ATAD5: variants seen among roughly 807,000 people sequenced by gnomAD.
The protein encoded by ATAD5 is ATPase family AAA domain-containing protein 5.
Under a neutral mutation model 176.9 loss-of-function variants are expected in ATAD5, and 58 were observed. The observed-to-expected ratio is 0.33, with a 90% confidence interval of 0.27 to 0.41. ATAD5 has a LOEUF of 0.41. Ranked by LOEUF, ATAD5 falls within the 10% of genes least tolerant of loss-of-function variation. The pLI is 1.00. For missense variants in ATAD5, 1,789 were observed against 2,094.1 expected (o/e 0.85, Z 2.84); for synonymous variants, 640 against 712.6 (o/e 0.90, Z 1.62).
chr17:30,846,303 A>G (rs1005554568), intron 6 of ATAD5, among the ~76,000 whole-genome samples: 1 of 152,182 alleles, frequency 6.6e-6, no homozygotes, highest in African/African-American at 2.4e-5. Flanking sequence ...ACACGCCCAC[A>G]AACAAATGCA....
Position 30,887,406 on chromosome 17 carries a change from A to G in ATAD5, c.4258+34A>G, listed in dbSNP as rs754418662. 1.6e-5 allele frequency: 25 copies of G among 1,543,150 alleles called. No homozygotes were observed. The South Asian group carries it at 2.9e-4, about 18-fold the overall frequency. On this transcript the variant is annotated intron_variant, in intron 19 of 22. Transcript: ENST00000321990. ...ATTTGTTATTAAAGAAATTTCTATT[A>G]TGGGACCCTATTTAAAAATCTGTGC...
intron 6 of ATAD5, among the ~76,000 whole-genome samples, chr17:30,853,975 C>T (rs950117390): frequency 1.9e-4 from 29 of 151,728 alleles, no homozygotes; most frequent in African/African-American, 6.5e-4. Context: ...ACTCACCTAC[C>T]ACCCAAAGAT....
At chr17:30,868,552 T>C in intron 12 of ATAD5, 140 bp downstream of exon 12, 2 of 519,622 alleles carry the variant, frequency 3.8e-6, no homozygotes, top group Non-Finnish European at 5.9e-6. Context: ...CTGTTTCCCA[T>C]AGTGGAGTGC....
rs1906612480 is a variant in ATAD5, at chr17:30,847,782, C to T, written c.2450+2866C>T. The stretch of plus-strand genomic sequence containing the variant: ...TCGCCCAGGCTGGAGTGCAGTGGCA[C>T]AGTCTAGGCTCACTGTAACCTCCGC... On this transcript the variant is annotated intron_variant, in intron 6 of 22. Transcript: ENST00000321990. Among the ~76,000 whole-genome samples the T allele has an allele frequency of 2.1e-5, 3 of 144,200 alleles. No individual in the cohort carries two copies. In the South Asian group the frequency reaches 6.6e-4, roughly 32 times the overall value. The allele number at this position is 144,200 out of a possible 152,430, so 94.6% of individuals were successfully genotyped here. A position where few individuals can be genotyped will look rare whatever the true frequency, so the allele number is the denominator to read the frequency against.
Position 30,894,628 on chromosome 17 carries a change from G to C in ATAD5, c.5362G>C (p.Gly1788Arg). The change falls in exon 22 of 23, where the codon GGT (glycine) becomes CGT (arginine). Residue 1788 changes from glycine to arginine, a missense_variant. Transcript: ENST00000321990. ...TTCGAGTCGATCTCTTCTCTATGTG[G>C]GTAATAGACAAGCTAGTATAATTGA... ...VFSSRSLLYVGNRQASIIEYL... is the reference protein window; with the variant it reads ...VFSSRSLLYVRNRQASIIEYL... The C allele has an allele frequency of 6.2e-7, 1 of 1,613,188 alleles. No homozygotes were observed. Among genetic ancestry groups the C allele is most frequent in the Non-Finnish European group, 8.5e-7 (1 of 1,179,424 alleles).
At chr17:30,836,125 G>A in intron 2 of ATAD5, 77 bp downstream of exon 2, 1 of 1,281,220 alleles carries the variant, frequency 7.8e-7, no homozygotes, top group Non-Finnish European at 1.1e-6. Flanking sequence ...TTCAAGTATT[G>A]GAGGGTATTT....
rs1597949768 is a variant in ATAD5, at chr17:30,836,067, C to T, written c.1967+19C>T. The T allele has an allele frequency of 1.3e-6, 2 of 1,549,420 alleles. No individual in the cohort carries two copies. Among genetic ancestry groups the T allele is most frequent in the East Asian group, 4.5e-5 (2 of 44,428 alleles). ...CTATTAGGTAAGGTTTGTTTTTGTT[C>T]TAACGTTCTAGTATTCTGCATGTAT... On this transcript the variant is annotated intron_variant, in intron 2 of 22. Coordinates refer to ENST00000321990, the MANE Select transcript of ATAD5 (RefSeq NM_024857.5).
intron 8 of ATAD5, 121 bp from the exon 9 acceptor site, chr17:30,858,040 G>A (rs1022291965): frequency 1.0e-5 from 9 of 887,592 alleles, no homozygotes; most frequent in Admixed American, 3.7e-5. Flanking sequence ...CACCACGCCC[G>A]GCCTAAAGCT....
At chr17:30,851,714 C>T (rs1906983751) in intron 6 of ATAD5, among the ~76,000 whole-genome samples, 1 of 152,048 alleles carries the variant, frequency 6.6e-6, no homozygotes, top group Non-Finnish European at 1.5e-5. Context: ...TCCCAAGTAG[C>T]TGGGATTACA....
rs745651996 is a variant in ATAD5, at chr17:30,832,334, G to A, written c.-14G>A. ...GTGAGGTCCTAGGAGACGGGATTCC[G>A]GGAAGCGGGGAGTATGGTGGGGGTC... On this transcript the variant is annotated 5_prime_UTR_variant, in exon 1 of 23. Transcript: ENST00000321990. 1 of 1,542,384 alleles carries A rather than the reference G, an allele frequency of 6.5e-7. No homozygotes were observed. Among genetic ancestry groups the A allele is most frequent in the Non-Finnish European group, 8.8e-7 (1 of 1,142,312 alleles).
chr17:30,866,753 T>G (rs1908010293), intron 11 of ATAD5, among the ~76,000 whole-genome samples: 1 of 151,954 alleles, frequency 6.6e-6, no homozygotes, highest in African/African-American at 2.4e-5. Context: ...AGGTGAGGAT[T>G]GCAGCGAGCC....
chr17:30,890,559 C>G (rs1245115726), intron 19 of ATAD5, among the ~76,000 whole-genome samples: 1 of 150,140 alleles, frequency 6.7e-6, no homozygotes, highest in Non-Finnish European at 1.5e-5. Context: ...GTAATTGGGT[C>G]TACAGGCGTG....
Position 30,859,912 on chromosome 17 carries a change from TG to T in ATAD5, c.2957-517del, listed in dbSNP as rs1423777309. ...CTAATTTTTGTATTTTTAGTAGAGA[TG>T]GGGTTTCAACATGTTGGCCAGGCTG... On this transcript the variant is annotated intron_variant, in intron 9 of 22. Transcript: ENST00000321990. Among the ~76,000 whole-genome samples the T allele has an allele frequency of 1.8e-4, 27 of 146,924 alleles. 1 individual carries two copies. The highest frequency in any genetic ancestry group is 6.4e-4 in the African/African-American group (26 of 40,346).
intron 6 of ATAD5, among the ~76,000 whole-genome samples, chr17:30,851,332 TA>T (rs1257792634): frequency 1.3e-5 from 2 of 150,414 alleles, no homozygotes; most frequent in Non-Finnish European, 3.0e-5. Flanking sequence ...CCATCTCTAC[TA>T]AAAATACAAA....
In ATAD5 at chr17:30,834,720, A is replaced by C. The variant is rs372570681; in HGVS notation, c.639A>C (p.Val213=). The C allele has an allele frequency of 1.2e-6, 2 of 1,613,480 alleles. No homozygotes were observed. Among genetic ancestry groups the C allele is most frequent in the Non-Finnish European group, 1.7e-6 (2 of 1,179,784 alleles). Residue 213 remains valine, a synonymous_variant, in exon 2 of 23, where the codon GTA becomes GTC. Coordinates refer to ENST00000321990, the MANE Select transcript of ATAD5 (RefSeq NM_024857.5). ...KKLRKRKCRD[V]VDLSESLPLA... is the part of the protein sequence containing the mutation. ...TGAGAAAAAGGAAATGCAGAGATGT[A>C]GTAGATCTATCTGAAAGCTTACCCT...
intron 10 of ATAD5, among the ~76,000 whole-genome samples, chr17:30,861,437 A>G (rs962791730): frequency 1.3e-5 from 2 of 151,314 alleles, no homozygotes; most frequent in African/African-American, 4.9e-5. Context: ...ATAGAACCTC[A>G]CGGATTATGG....
At chr17:30,845,372 G>A (rs1438378519) in intron 6 of ATAD5, among the ~76,000 whole-genome samples, 1 of 152,128 alleles carries the variant, frequency 6.6e-6, no homozygotes, top group Non-Finnish European at 1.5e-5. Flanking sequence ...TATTGAGGAG[G>A]GTTGGTCTGA....
chr17:30,895,093 A>C lies in ATAD5; in HGVS notation c.*180A>C. On this transcript the variant is annotated 3_prime_UTR_variant, in exon 23 of 23. Transcript: ENST00000321990. The stretch of plus-strand genomic sequence containing the variant: ...ATTTGAGTTACAAATTTTATATATG[A>C]TTGTAATTTTTTTTCTGAATTTTTT... The C allele has an allele frequency of 2.2e-6, 1 of 457,058 alleles. No homozygotes were observed. The highest frequency in any genetic ancestry group is 6.1e-5 in the South Asian group (1 of 16,486). 28.3% of individuals were successfully genotyped at this position (457,058 alleles called of 1,614,324 possible).
intron 17 of ATAD5, among the ~76,000 whole-genome samples, chr17:30,879,077 T>C (rs1456479893): frequency 6.6e-6 from 1 of 152,130 alleles, no homozygotes; most frequent in Non-Finnish European, 1.5e-5. Context: ...TGGTGGCTCA[T>C]GCCTTTAATT....
Sources: gnomAD v4.1 joint callset for allele counts (sites outside exome capture counted in the v4.1 genomes callset) on GRCh38, gnomAD v4.1.1 for gene constraint, MANE v1.5 for transcripts, NCBI Gene and HGNC (gene_info 2026-07-23, HGNC 2026-07-21) for gene names.